EYA1: variants seen among roughly 807,000 people sequenced by gnomAD.
EYA1 encodes protein phosphatase EYA1.
In EYA1, 16 loss-of-function variants were observed where a neutral mutation model predicts 82.0. The ratio of observed to expected loss-of-function variants is 0.20; its 90% CI spans 0.13 to 0.30. EYA1 has a LOEUF of 0.30. EYA1 is among the 10% of genes least tolerant of loss of function. The pLI, the probability that EYA1 is intolerant of heterozygous loss-of-function variation, is 1.00. For synonymous variants in EYA1, 261 were observed against 264.4 expected, an observed-to-expected ratio of 0.99 and a Z score of 0.12; for missense variants, 633 against 730.7, an observed-to-expected ratio of 0.87 and a Z score of 1.54.
intron 3 of EYA1, among the ~76,000 whole-genome samples, chr8:71,339,768 C>T (rs1824912931): frequency 6.6e-6 from 1 of 152,188 alleles, no homozygotes; most frequent in South Asian, 2.1e-4. Context: ...CCTAACTTTC[C>T]TCCATGGTAT....
intron 2 of EYA1, among the ~76,000 whole-genome samples, chr8:71,375,697 C>T (rs753763102): frequency 2.6e-5 from 4 of 152,034 alleles, no homozygotes; most frequent in Admixed American, 6.5e-5. Flanking sequence ...GGCGTGATCT[C>T]GGCTCACTGC....
chr8:71,338,706 C>T (rs1824782918), intron 3 of EYA1, among the ~76,000 whole-genome samples: 1 of 152,186 alleles, frequency 6.6e-6, no homozygotes, highest in Admixed American at 6.5e-5. Flanking sequence ...AATAAGTGGG[C>T]TGTTTTAATA....
chr8:71,201,472 G>T (rs531164589), intron 17 of EYA1, among the ~76,000 whole-genome samples: 10 of 152,224 alleles, frequency 6.6e-5, no homozygotes, highest in Admixed American at 1.3e-4. Flanking sequence ...TGTGGGCTAA[G>T]AGACACCAGA....
intron 2 of EYA1, among the ~76,000 whole-genome samples, chr8:71,406,694 T>C (rs950158006): frequency 2.0e-5 from 3 of 152,142 alleles, no homozygotes; most frequent in African/African-American, 7.2e-5. Flanking sequence ...ACCAGGAGAT[T>C]ACATCCTGCA....
At chr8:71,444,641 T>C (rs1240266770) in intron 2 of EYA1, among the ~76,000 whole-genome samples, 1 of 152,206 alleles carries the variant, frequency 6.6e-6, no homozygotes, top group African/African-American at 2.4e-5. Flanking sequence ...ACGAGGTGAC[T>C]GAGCATCCGT....
intron 9 of EYA1, among the ~76,000 whole-genome samples, chr8:71,276,833 G>A (rs1198639304): frequency 6.6e-6 from 1 of 152,128 alleles, no homozygotes; most frequent in Admixed American, 6.5e-5. Flanking sequence ...CTACTTACTA[G>A]TAGTATTGCT....
intron 2 of EYA1, among the ~76,000 whole-genome samples, chr8:71,402,522 AT>A (rs1445825772): frequency 6.6e-6 from 1 of 152,204 alleles, no homozygotes; most frequent in Non-Finnish European, 1.5e-5. Context: ...TTCTAAAGTT[AT>A]TTTTTAATTA....
chr8:71,249,092 AT>A (rs981109126), intron 11 of EYA1, among the ~76,000 whole-genome samples: 10 of 152,348 alleles, frequency 6.6e-5, no homozygotes, highest in Non-Finnish European at 1.2e-4. Flanking sequence ...GTAACATCTC[AT>A]TTTAAGTCAA....
intron 2 of EYA1, among the ~76,000 whole-genome samples, chr8:71,402,677 G>C (rs188541330): frequency 2.2e-4 from 34 of 152,052 alleles, no homozygotes; most frequent in African/African-American, 7.0e-4. Flanking sequence ...TGAAGAGTAG[G>C]GCAAGACTGG....
Position 71,215,596 on chromosome 8 carries a change from C to G in EYA1, c.1475+18G>C. 1 of 1,610,202 alleles carries G rather than the reference C, an allele frequency of 6.2e-7. No individual in the cohort carries two copies. The highest frequency in any genetic ancestry group is 8.5e-7 in the Non-Finnish European group (1 of 1,176,468). On this transcript the variant is annotated intron_variant, in intron 15 of 17. Coordinates refer to ENST00000340726, the MANE Select transcript of EYA1 (RefSeq NM_000503.6). ...AGCATTGCCCATTTCCTGGCAAAGACCCCGCAGAGAGCCTCACCGGGAGTG... is the reference window on the plus strand; with the variant it reads ...AGCATTGCCCATTTCCTGGCAAAGAGCCCGCAGAGAGCCTCACCGGGAGTG...
intron 2 of EYA1, among the ~76,000 whole-genome samples, chr8:71,369,043 A>C (rs1563542731): frequency 6.7e-6 from 1 of 148,560 alleles, no homozygotes; most frequent in Non-Finnish European, 1.5e-5. Context: ...AAAAAAAAAA[A>C]AAAAAAAAAA....
chr8:71,488,211 T>C (rs560497366), intron 2 of EYA1, among the ~76,000 whole-genome samples: 1 of 151,864 alleles, frequency 6.6e-6, no homozygotes, highest in Admixed American at 6.6e-5. Flanking sequence ...AGGATAAATA[T>C]ACATCAATGA....
intron 11 of EYA1, among the ~76,000 whole-genome samples, chr8:71,254,343 A>G (rs949116147): frequency 1.3e-5 from 2 of 151,934 alleles, no homozygotes; most frequent in Non-Finnish European, 2.9e-5. Flanking sequence ...GAGGACAAAG[A>G]AACATGTTAA....
chr8:71,536,811 T>G (rs2129288992), intron 1 of EYA1, among the ~76,000 whole-genome samples: 1 of 152,302 alleles, frequency 6.6e-6, no homozygotes, highest in Middle Eastern at 3.4e-3. Context: ...GCTCACATAT[T>G]AGGAAAGCTA....
At chr8:71,267,983 T>C (rs963178471) in intron 11 of EYA1, among the ~76,000 whole-genome samples, 1 of 152,250 alleles carries the variant, frequency 6.6e-6, no homozygotes, top group African/African-American at 2.4e-5. Flanking sequence ...GTATTTGTAA[T>C]ACATTATTTA....
intron 9 of EYA1, among the ~76,000 whole-genome samples, chr8:71,275,534 T>A (rs1424932087): frequency 3.3e-5 from 5 of 152,082 alleles, no homozygotes; most frequent in Non-Finnish European, 7.4e-5. Flanking sequence ...ATGAGTGTTG[T>A]TAAAGAAATG....
chr8:71,334,230 T>A, intron 3 of EYA1, 56 bp from the exon 4 acceptor site: 1 of 1,268,738 alleles, frequency 7.9e-7, no homozygotes, highest in Admixed American at 1.7e-5. Flanking sequence ...TGTAAAGACA[T>A]GGAAGAGAAG....
intron 2 of EYA1, among the ~76,000 whole-genome samples, chr8:71,441,086 G>A (rs1253942890): frequency 2.0e-5 from 3 of 151,948 alleles, no homozygotes; most frequent in Admixed American, 6.5e-5. Flanking sequence ...AAGAAACAAA[G>A]GCAATCCCAA....
chr8:71,514,262 AC>A, intron 2 of EYA1, among the ~76,000 whole-genome samples: 1 of 152,236 alleles, frequency 6.6e-6, no homozygotes, highest in Admixed American at 6.5e-5. Flanking sequence ...AGTTGATATA[AC>A]TTGTAAATAT....
Sources: allele counts gnomAD v4.1 joint callset (sites outside exome capture counted in the v4.1 genomes callset), GRCh38; gene constraint gnomAD v4.1.1; transcripts MANE v1.5; gene names NCBI Gene and HGNC (gene_info 2026-07-23, HGNC 2026-07-21).